Variants in ROBO2 observed in about 807,000 individuals in gnomAD.
ROBO2 encodes the protein roundabout guidance receptor 2, also known as roundabout homolog 2.
A neutral mutation model predicts 160.8 loss-of-function variants in ROBO2; 53 were observed. That is an observed-to-expected ratio of 0.33 (90% CI 0.26 to 0.41). The LOEUF (loss-of-function observed/expected upper bound fraction) is 0.41. Ranked by LOEUF, ROBO2 falls within the 10% of genes least tolerant of loss-of-function variation. The pLI, the probability that ROBO2 is intolerant of heterozygous loss-of-function variation, is 1.00. For synonymous variants in ROBO2, 664 were observed against 611.7 expected, an observed-to-expected ratio of 1.09 and a Z score of -1.26; for missense variants, 1,577 against 1,722.4, an observed-to-expected ratio of 0.92 and a Z score of 1.49.
chr3:77,112,225 G>A (rs1579077493), intron 2 of ROBO2, among the ~76,000 whole-genome samples: 2 of 115,994 alleles, frequency 1.7e-5, no homozygotes, highest in African/African-American at 6.5e-5. Context: ...AAAGGAGAAA[G>A]ATCAAGGAGT....
At chr3:76,185,213 T>TAC (rs1181932937) in intron 2 of ROBO2, among the ~76,000 whole-genome samples, 7 of 82,936 alleles carry the variant, frequency 8.4e-5, no homozygotes, top group Middle Eastern at 8.2e-3. Flanking sequence ...TATATATATA[T>TAC]ATACACACAC....
chr3:76,120,003 T>C (rs1268351996), intron 2 of ROBO2, among the ~76,000 whole-genome samples: 1 of 149,726 alleles, frequency 6.7e-6, no homozygotes, highest in Non-Finnish European at 1.5e-5. Flanking sequence ...TTTCTTTCTG[T>C]CTTCTTTCTT....
intron 2 of ROBO2, among the ~76,000 whole-genome samples, chr3:76,081,766 A>G (rs1438620279): frequency 6.6e-6 from 1 of 151,918 alleles, no homozygotes; most frequent in Non-Finnish European, 1.5e-5. Flanking sequence ...ATGCTAAACT[A>G]TCATGGTTTT....
chr3:77,561,611 G>A (rs751479535), intron 9 of ROBO2, among the ~76,000 whole-genome samples: 4 of 151,986 alleles, frequency 2.6e-5, no homozygotes, highest in Admixed American at 2.0e-4. Context: ...TTAAGTGATC[G>A]ATGAAATGGC....
intron 2 of ROBO2, among the ~76,000 whole-genome samples, chr3:76,966,538 T>C (rs559879157): frequency 1.3e-5 from 2 of 152,260 alleles, no homozygotes; most frequent in African/African-American, 4.8e-5. Flanking sequence ...GGAGTAAAGA[T>C]GAAGAGAAAT....
chr3:77,390,209 G>A (rs1388961178), intron 2 of ROBO2, among the ~76,000 whole-genome samples: 2 of 151,940 alleles, frequency 1.3e-5, no homozygotes, highest in African/African-American at 2.4e-5. Flanking sequence ...TATTTTACTC[G>A]ACCTGTAGGT....
chr3:76,705,888 ATGGC>A (rs2093150998), intron 2 of ROBO2, among the ~76,000 whole-genome samples: 2 of 152,142 alleles, frequency 1.3e-5, no homozygotes, highest in African/African-American at 4.8e-5. Context: ...AATGATTAGA[ATGGC>A]GGGTGAACAG....
At chr3:76,355,008 GTGTGTATGTGTATGTTTATGTGTA>G (rs1192100790) in intron 2 of ROBO2, among the ~76,000 whole-genome samples, 3 of 150,860 alleles carry the variant, frequency 2.0e-5, no homozygotes, top group South Asian at 2.1e-4. Flanking sequence ...ATCTGGATAT[GTGTGTATGTGTATGTTTATGTGTA>G]TGTGTATGTG....
chr3:77,213,529 A>G (rs1022849278), intron 2 of ROBO2, among the ~76,000 whole-genome samples: 1 of 149,984 alleles, frequency 6.7e-6, no homozygotes, highest in African/African-American at 2.4e-5. Context: ...CAAAAAACCA[A>G]CTCCTGGATT....
intron 2 of ROBO2, among the ~76,000 whole-genome samples, chr3:76,419,101 C>T (rs969535354): frequency 2.0e-5 from 3 of 152,088 alleles, no homozygotes; most frequent in Non-Finnish European, 4.4e-5. Context: ...TTAAATTTCA[C>T]TGACAGCAGG....
chr3:77,602,227 C>T, exon 20 of ROBO2: 1 of 1,614,116 alleles, frequency 6.2e-7, no homozygotes, highest in Non-Finnish European at 8.5e-7. Context: ...GCCACCAGTT[C>T]CAGGCCAAGG....
chr3:77,249,241 A>AC (rs1336392935), intron 2 of ROBO2, among the ~76,000 whole-genome samples: 1 of 152,232 alleles, frequency 6.6e-6, no homozygotes, highest in Non-Finnish European at 1.5e-5. Context: ...CTGCTGAATT[A>AC]CCTGTAAACG....
intron 2 of ROBO2, among the ~76,000 whole-genome samples, chr3:76,081,837 T>TACACACACACAC (rs55705748): frequency 6.8e-6 from 1 of 147,976 alleles, no homozygotes; most frequent in Non-Finnish European, 1.5e-5. Flanking sequence ...TGTAAATACA[T>TACACACACACAC]ACACACACAC....
intron 2 of ROBO2, among the ~76,000 whole-genome samples, chr3:77,460,911 G>A (rs939112200): frequency 6.6e-6 from 1 of 152,202 alleles, no homozygotes; most frequent in East Asian, 1.9e-4. Context: ...TGAAATGAAG[G>A]AAATTAATCA....
chr3:77,180,416 C>CTCTCTATATATATATATATATATATA (rs1433740534), intron 2 of ROBO2, among the ~76,000 whole-genome samples: 30 of 90,704 alleles, frequency 3.3e-4, no homozygotes, highest in Non-Finnish European at 5.7e-4. Context: ...CTCTCTCTCT[C>CTCTCTATATATATATATATATATATA]TATATATATA....
chr3:76,347,186 A>G (rs1263278995), intron 2 of ROBO2, among the ~76,000 whole-genome samples: 1 of 152,278 alleles, frequency 6.6e-6, no homozygotes, highest in African/African-American at 2.4e-5. Flanking sequence ...TTTTTACTGT[A>G]TCCACCTTCA....
intron 2 of ROBO2, among the ~76,000 whole-genome samples, chr3:76,395,320 C>G (rs926697492): frequency 2.4e-4 from 36 of 150,166 alleles, no homozygotes; most frequent in Admixed American, 1.5e-3. Flanking sequence ...GGGACACATT[C>G]AAAGCAGTGT....
chr3:76,776,784 G>A (rs985084699), intron 2 of ROBO2, among the ~76,000 whole-genome samples: 1 of 150,862 alleles, frequency 6.6e-6, no homozygotes, highest in African/African-American at 2.4e-5. Flanking sequence ...CTACATTGCT[G>A]CTCCCAACAT....
At chr3:76,232,753 C>T (rs1346130122) in intron 2 of ROBO2, among the ~76,000 whole-genome samples, 1 of 152,202 alleles carries the variant, frequency 6.6e-6, no homozygotes, top group Non-Finnish European at 1.5e-5. Context: ...TTTTCCACTA[C>T]TTCCTGTAAA....
Sources: allele counts gnomAD v4.1 joint callset (sites outside exome capture counted in the v4.1 genomes callset), GRCh38; gene constraint gnomAD v4.1.1; transcripts MANE v1.5; gene names NCBI Gene and HGNC (gene_info 2026-07-23, HGNC 2026-07-21).